Variants in UBE2D2 observed in about 807,000 individuals in gnomAD.
The protein encoded by UBE2D2 is ubiquitin conjugating enzyme E2 D2.
A neutral mutation model predicts 24.2 loss-of-function variants in UBE2D2; 2 were observed. The ratio of observed to expected loss-of-function variants is 0.08; its 90% confidence interval spans 0.03 to 0.26. UBE2D2 has a LOEUF of 0.26. UBE2D2 is among the 10% of genes least tolerant of loss of function. The probability of loss-of-function intolerance (pLI) is 1.00; values close to 1 mark genes in which losing one functional copy is unlikely to be tolerated. For synonymous variants in UBE2D2, 58 were observed against 56.5 expected (o/e 1.03, Z -0.12); for missense variants, 44 against 177.6 (o/e 0.25, Z 4.28).
chr5:139,581,443 C>T (rs769435803), intron 1 of UBE2D2, among the ~76,000 whole-genome samples: 6 of 150,860 alleles, frequency 4.0e-5, no homozygotes, highest in Admixed American at 1.3e-4. Flanking sequence ...AGCAAGACTC[C>T]GTCTCAAAAA....
At chr5:139,544,168 C>CTTTTT (rs33938446) in intron 1 of UBE2D2, among the ~76,000 whole-genome samples, 2 of 136,600 alleles carry the variant, frequency 1.5e-5, no homozygotes, top group African/African-American at 2.6e-5. Flanking sequence ...TTCTTTCTTT[C>CTTTTT]TTTTTTTTTT....
chr5:139,573,301 CA>C (rs1051847278), intron 1 of UBE2D2, among the ~76,000 whole-genome samples: 32 of 94,986 alleles, frequency 3.4e-4, no homozygotes, highest in African/African-American at 2.4e-4. Flanking sequence ...AACTCCATCT[CA>C]AAAAAAAAAA....
At chr5:139,610,737 G>A (rs1341427472) in intron 2 of UBE2D2, among the ~76,000 whole-genome samples, 2 of 151,580 alleles carry the variant, frequency 1.3e-5, no homozygotes, top group African/African-American at 4.9e-5. Flanking sequence ...GCTGGGTATG[G>A]TCCCAGCTAC....
intron 1 of UBE2D2, among the ~76,000 whole-genome samples, chr5:139,550,187 T>C (rs1752890504): frequency 6.6e-6 from 1 of 151,898 alleles, no homozygotes; most frequent in African/African-American, 2.4e-5. Flanking sequence ...CAGTCAGCAG[T>C]CTGTGTCTAG....
chr5:139,567,535 T>G (rs1581496702), intron 1 of UBE2D2, among the ~76,000 whole-genome samples: 1 of 141,542 alleles, frequency 7.1e-6, no homozygotes, highest in Admixed American at 7.0e-5. Context: ...CTAAGTTTTT[T>G]TTTTTTTTTT....
chr5:139,561,717 G>A lies in UBE2D2; in HGVS notation c.-75G>A. On this transcript the variant is annotated 5_prime_UTR_variant, in exon 1 of 7. Coordinates refer to ENST00000398733, the MANE Select transcript of UBE2D2 (RefSeq NM_003339.3). Reference sequence around the variant, plus strand: ...GACCGAGATCGCCGAGGCGGCCTCAGGCTCCCTAGCCCCTTCCCCGTCCCT... The same window carrying A: ...GACCGAGATCGCCGAGGCGGCCTCAAGCTCCCTAGCCCCTTCCCCGTCCCT... 8.1e-7 allele frequency: 1 copy of A among 1,228,672 alleles called. No homozygotes were observed. Among genetic ancestry groups the A allele is most frequent in the Non-Finnish European group, 1.1e-6 (1 of 915,636 alleles). 76.1% of individuals were successfully genotyped at this position (1,228,672 alleles called of 1,614,324 possible). A position where few individuals can be genotyped will look rare whatever the true frequency, so the allele number is the denominator to read the frequency against.
intron 1 of UBE2D2, among the ~76,000 whole-genome samples, chr5:139,552,502 CTTTTTTCTTTTTT>C (rs1413750454): frequency 7.2e-6 from 1 of 138,378 alleles, no homozygotes; most frequent in Non-Finnish European, 1.5e-5. Context: ...TTTCTTTTTT[CTTTTTTCTTTTTT>C]TTTTTTTTTT....
At chr5:139,546,979 C>T (rs538693667) in intron 1 of UBE2D2, among the ~76,000 whole-genome samples, 3 of 151,616 alleles carry the variant, frequency 2.0e-5, no homozygotes, top group African/African-American at 7.3e-5. Context: ...CTGCAACCTC[C>T]TTCTCCCGGC....
intron 1 of UBE2D2, chr5:139,599,427 A>C (rs1754025975): frequency 6.6e-6 from 1 of 152,038 alleles, no homozygotes; most frequent in Non-Finnish European, 1.5e-5. Context: ...AAAAATAATA[A>C]ATGAAATGTT....
chr5:139,581,711 C>G (rs896067637), intron 1 of UBE2D2, among the ~76,000 whole-genome samples: 27 of 152,192 alleles, frequency 1.8e-4, no homozygotes, highest in Non-Finnish European at 2.9e-4. Context: ...ATCCGTCACC[C>G]ACGCTGGAGT....
chr5:139,533,068 A>T (rs1002855674), intron 1 of UBE2D2, among the ~76,000 whole-genome samples: 2 of 151,302 alleles, frequency 1.3e-5, no homozygotes, highest in Non-Finnish European at 1.5e-5. Context: ...AGATCGCGCC[A>T]CTGGACTCCA....
chr5:139,572,900 T>G (rs1435663232), intron 1 of UBE2D2, among the ~76,000 whole-genome samples: 2 of 152,152 alleles, frequency 1.3e-5, no homozygotes, highest in African/African-American at 4.8e-5. Flanking sequence ...CGCCTAAGCC[T>G]TTCAATGTGC....
chr5:139,589,978 G>A (rs1455852613), intron 1 of UBE2D2, among the ~76,000 whole-genome samples: 2 of 152,062 alleles, frequency 1.3e-5, no homozygotes, highest in East Asian at 3.9e-4. Context: ...TAGAGACGGG[G>A]TTTCACTGTG....
rs191938803 is a variant in UBE2D2 at position 139,581,816 on chromosome 5, G to A, written c.25-18556G>A. ...CCCGAGTAGCTGGGATTACAGGCGC[G>A]CGCCACCATGCCTGGGTAGTTTTTG... is the stretch of plus-strand genomic sequence containing the variant. On this transcript the variant is annotated intron_variant, in intron 1 of 6. Transcript: ENST00000398733. Among the ~76,000 whole-genome samples, 38 of 151,918 alleles carry A rather than the reference G, an allele frequency of 2.5e-4. No individual in the cohort carries two copies. The Middle Eastern group carries it at 0.01, about 41-fold the overall frequency.
chr5:139,539,352 T>C (rs1446190027), intron 1 of UBE2D2, among the ~76,000 whole-genome samples: 1 of 152,102 alleles, frequency 6.6e-6, no homozygotes, highest in African/African-American at 2.4e-5. Flanking sequence ...GGTCACATAC[T>C]ATATGATTCC....
rs527336000 is a variant in UBE2D2, at chr5:139,535,290, C to CAAA, written c.-64+8693_-64+8695dup. ...TGAAATCCCGTCTCTACTAAAAATACAAAAAAAAAAAAAAAAAGAGACTTG... is the reference window on the plus strand; with the variant it reads ...TGAAATCCCGTCTCTACTAAAAATACAAAAAAAAAAAAAAAAAAAAGAGACTTG... On this transcript the variant is annotated intron_variant, in intron 1 of 6. Coordinates refer to the UBE2D2 transcript ENST00000511725. 3.8e-3 allele frequency among the ~76,000 whole-genome samples: 290 copies of CAAA among 76,510 alleles called. 2 individuals carry two copies. The highest frequency in any genetic ancestry group is 0.012 in the African/African-American group (251 of 21,336). 50.2% of individuals were successfully genotyped at this position (76,510 alleles called of 152,430 possible). A position where few individuals can be genotyped will look rare whatever the true frequency, so the allele number is the denominator to read the frequency against.
chr5:139,536,266 A>T (rs1752681019), intron 1 of UBE2D2, among the ~76,000 whole-genome samples: 1 of 150,768 alleles, frequency 6.6e-6, no homozygotes, highest in African/African-American at 2.4e-5. Context: ...TGCCCAGCTA[A>T]TTTTGTATTT....
intron 1 of UBE2D2, among the ~76,000 whole-genome samples, chr5:139,550,301 G>A (rs1279296849): frequency 6.6e-6 from 1 of 152,158 alleles, no homozygotes; most frequent in African/African-American, 2.4e-5. Flanking sequence ...GGGACTTGGA[G>A]AACTTTTACC....
At chr5:139,533,612 T>C (rs1561495402) in intron 1 of UBE2D2, among the ~76,000 whole-genome samples, 1 of 150,754 alleles carries the variant, frequency 6.6e-6, no homozygotes, top group African/African-American at 2.4e-5. Flanking sequence ...GATCGCGCCA[T>C]TGCACTCTAG....
Sources: allele counts gnomAD v4.1 joint callset (sites outside exome capture counted in the v4.1 genomes callset), GRCh38; gene constraint gnomAD v4.1.1; transcripts MANE v1.5; gene names NCBI Gene and HGNC (gene_info 2026-07-23, HGNC 2026-07-21).